DSCAM: variants seen among roughly 807,000 people sequenced by gnomAD.
DSCAM encodes cell adhesion molecule DSCAM.
DSCAM carries 47 observed loss-of-function variants against 217.7 expected under a neutral mutation model. That is an observed-to-expected ratio of 0.22 (90% CI 0.17 to 0.28). The LOEUF (loss-of-function observed/expected upper bound fraction) is 0.28. Among genes scored for constraint, DSCAM ranks in the 10% least tolerant of loss-of-function variants. DSCAM has a pLI of 1.00. For synonymous variants in DSCAM, 1,056 were observed against 1,015.3 expected (o/e 1.04, Z -0.76); for missense variants, 2,080 against 2,618.3 (o/e 0.79, Z 4.49).
intron 10 of DSCAM, among the ~76,000 whole-genome samples, chr21:40,295,183 G>GAA (rs78265167): frequency 7.0e-6 from 1 of 142,250 alleles, no homozygotes; most frequent in African/African-American, 2.6e-5. Flanking sequence ...TAGGTTATTG[G>GAA]AAAAAAAAAA....
chr21:40,630,516 C>G (rs2089675962), intron 3 of DSCAM: 1 of 152,212 alleles, frequency 6.6e-6, no homozygotes. Flanking sequence ...CCAGGCTGGT[C>G]TTGAACTCCT....
intron 3 of DSCAM, among the ~76,000 whole-genome samples, chr21:40,675,566 A>C (rs2090328909): frequency 6.6e-6 from 1 of 152,258 alleles, no homozygotes; most frequent in African/African-American, 2.4e-5. Flanking sequence ...TTGGAGACTA[A>C]AGAAAAATAA....
intron 16 of DSCAM, among the ~76,000 whole-genome samples, chr21:40,158,709 C>T (rs1370062763): frequency 6.6e-6 from 1 of 152,192 alleles, no homozygotes; most frequent in Non-Finnish European, 1.5e-5. Context: ...GAAAAACAAA[C>T]CCTGTTTCCA....
At position 40,078,895 on chromosome 21, in the gene DSCAM, A is replaced by G. The variant is rs2089410990; in HGVS notation, c.4503T>C (p.Asp1501=). 1 of 1,614,074 alleles carries G rather than the reference A, an allele frequency of 6.2e-7. No homozygotes were observed. Among genetic ancestry groups the G allele is most frequent in the African/African-American group, 1.3e-5 (1 of 74,934 alleles). Residue 1501 remains aspartate, a synonymous_variant, in exon 26 of 33, where the codon GAT becomes GAC. Coordinates refer to ENST00000400454, the MANE Select transcript of DSCAM (RefSeq NM_001389.5). ...TGAAGGAGGTGATGGGGCAGCCGCC[A>G]TCATTCCAGCCAATGAGGTTCAGCC... ...RVRLNLIGWN[D]GGCPITSFTL...
Position 40,339,346 on chromosome 21 carries a change from A to G in DSCAM, c.1280T>C (p.Met427Thr), listed in dbSNP as rs772442953. The change falls in exon 7 of 33, where the codon ATG becomes ACG. Residue 427 changes from methionine (M) to threonine (T), a missense_variant. Physicochemically the swap from Met to Thr is moderately conservative, Grantham distance 81. Coordinates refer to ENST00000400454, the MANE Select transcript of DSCAM (RefSeq NM_001389.5). ...CAAAGGTGTTCCCTTCACGTTGCAC[A>G]TAAGGGAAACCGGCTCTGCTGGACT... ...VVSPAEPVSLMCNVKGTPLPT... is the reference protein window; with the variant it reads ...VVSPAEPVSLTCNVKGTPLPT... 88 of 1,613,976 alleles carry G rather than the reference A, an allele frequency of 5.5e-5. No homozygotes were observed. Among genetic ancestry groups the G allele is most frequent in the Non-Finnish European group, 7.2e-5 (85 of 1,180,028 alleles).
chr21:40,190,594 T>C (rs912655615), intron 11 of DSCAM, among the ~76,000 whole-genome samples: 2 of 152,204 alleles, frequency 1.3e-5, no homozygotes, highest in Non-Finnish European at 1.5e-5. Flanking sequence ...CCCTGAGAAT[T>C]TATAAAACTG....
At chr21:40,477,825 G>A (rs1001081590) in intron 3 of DSCAM, among the ~76,000 whole-genome samples, 1 of 151,950 alleles carries the variant, frequency 6.6e-6, no homozygotes, top group African/African-American at 2.4e-5. Flanking sequence ...TTTCTCCACT[G>A]ACATTTTTTT....
At chr21:40,652,136 C>T (rs2090021098) in intron 3 of DSCAM, among the ~76,000 whole-genome samples, 1 of 145,492 alleles carries the variant, frequency 6.9e-6, no homozygotes, top group Non-Finnish European at 1.5e-5. Flanking sequence ...GGGAACAACA[C>T]ACACTGGGGC....
At chr21:40,175,287 T>G (rs368234518) in intron 15 of DSCAM, among the ~76,000 whole-genome samples, 61 of 152,218 alleles carry the variant, frequency 4.0e-4, no homozygotes, top group African/African-American at 1.4e-3. Context: ...TTTTTTTTTG[T>G]ATTTTTAGTA....
chr21:40,772,919 A>G (rs2091458904), intron 1 of DSCAM, among the ~76,000 whole-genome samples: 1 of 152,222 alleles, frequency 6.6e-6, no homozygotes, highest in African/African-American at 2.4e-5. Flanking sequence ...TCTGTCAAAT[A>G]AAAAGCAGCT....
intron 11 of DSCAM, among the ~76,000 whole-genome samples, chr21:40,202,203 C>T (rs1010804496): frequency 6.6e-6 from 1 of 152,178 alleles, no homozygotes; most frequent in African/African-American, 2.4e-5. Context: ...ATTCCACCCC[C>T]GCCACCCTTC....
chr21:40,528,898 C>CTTTTTTTTTTT lies in DSCAM; in HGVS notation c.509-159664_509-159654dup, dbSNP rs911356584. 5.9e-4 allele frequency among the ~76,000 whole-genome samples: 59 copies of CTTTTTTTTTTT among 99,388 alleles called. 4 individuals carry two copies. Among genetic ancestry groups the CTTTTTTTTTTT allele is most frequent in the Non-Finnish European group, 8.5e-4 (47 of 55,046 alleles). The allele number at this position is 99,388 out of a possible 152,430, so 65.2% of individuals were successfully genotyped here. A position where few individuals can be genotyped will look rare whatever the true frequency, so the allele number is the denominator to read the frequency against. On this transcript the variant is annotated intron_variant, in intron 3 of 32. Coordinates refer to ENST00000400454, the MANE Select transcript of DSCAM (RefSeq NM_001389.5). ...TCTTTGGCAATGTCCAGGCTTTCCA[C>CTTTTTTTTTTT]TTTTTTTTTTTTTTTTTTTTTTTGA... is the stretch of plus-strand genomic sequence containing the variant.
intron 1 of DSCAM, among the ~76,000 whole-genome samples, chr21:40,836,353 A>G (rs2092056423): frequency 6.6e-6 from 1 of 152,214 alleles, no homozygotes; most frequent in African/African-American, 2.4e-5. Flanking sequence ...TAACAGGAAG[A>G]AAAAATGGTG....
At chr21:40,149,733 A>T (rs2090403165) in intron 16 of DSCAM, among the ~76,000 whole-genome samples, 1 of 133,278 alleles carries the variant, frequency 7.5e-6, no homozygotes, top group Admixed American at 7.6e-5. Context: ...CCCAACACCA[A>T]CACCACTGTC....
chr21:40,244,173 G>A (rs561630633), intron 11 of DSCAM, among the ~76,000 whole-genome samples: 45 of 152,224 alleles, frequency 3.0e-4, no homozygotes, highest in African/African-American at 7.7e-4. Context: ...AATTGTGACC[G>A]GGAAGAGTGG....
intron 20 of DSCAM, among the ~76,000 whole-genome samples, chr21:40,105,125 T>C (rs2089801919): frequency 6.6e-6 from 1 of 152,200 alleles, no homozygotes; most frequent in African/African-American, 2.4e-5. Context: ...CTTTGCTCTA[T>C]AAATTACATG....
chr21:40,506,318 T>A (rs923394348), intron 3 of DSCAM, among the ~76,000 whole-genome samples: 6 of 152,308 alleles, frequency 3.9e-5, no homozygotes, highest in African/African-American at 7.2e-5. Flanking sequence ...TTTGAAAGGT[T>A]AGATGCCATT....
intron 11 of DSCAM, among the ~76,000 whole-genome samples, chr21:40,213,596 G>T (rs7282686): frequency 0.49 from 74,278 of 151,544 alleles, 18,716 homozygotes; most frequent in Middle Eastern, 0.58. Flanking sequence ...TGGGTTCCAC[G>T]CAGAAAACAT....
intron 15 of DSCAM, among the ~76,000 whole-genome samples, chr21:40,170,909 G>A (rs2090649964): frequency 6.6e-6 from 1 of 152,166 alleles, no homozygotes; most frequent in East Asian, 1.9e-4. Context: ...CTCTCAGGAA[G>A]ATGGCACACA....
Sources: gnomAD v4.1 joint callset for allele counts (sites outside exome capture counted in the v4.1 genomes callset) on GRCh38, gnomAD v4.1.1 for gene constraint, MANE v1.5 for transcripts, NCBI Gene and HGNC (gene_info 2026-07-23, HGNC 2026-07-21) for gene names.